Variants in DSCAML1 observed in about 807,000 individuals in gnomAD.
DSCAML1 encodes the protein cell adhesion molecule DSCAML1.
In DSCAML1, 38 loss-of-function variants were observed where a neutral mutation model predicts 200.5. The ratio of observed to expected loss-of-function variants is 0.19; its 90% CI spans 0.15 to 0.25. DSCAML1 has a LOEUF of 0.25. Ranked by LOEUF, DSCAML1 falls within the 10% of genes least tolerant of loss-of-function variation. DSCAML1 has a pLI of 1.00. For missense variants in DSCAML1, 2,223 were observed against 2,858.8 expected (o/e 0.78, Z 5.07); for synonymous variants, 1,215 against 1,165.0 (o/e 1.04, Z -0.87).
intron 3 of DSCAML1, among the ~76,000 whole-genome samples, chr11:117,589,292 C>T (rs932697930): frequency 2.6e-5 from 4 of 152,216 alleles, no homozygotes; most frequent in African/African-American, 7.2e-5. Flanking sequence ...ATTCGATGCA[C>T]GGGCAGCCCG....
At chr11:117,676,415 T>C (rs1028559460) in intron 3 of DSCAML1, among the ~76,000 whole-genome samples, 1 of 152,198 alleles carries the variant, frequency 6.6e-6, no homozygotes, top group Admixed American at 6.5e-5. Context: ...TGGACACCTG[T>C]GGGGCATGCG....
intron 3 of DSCAML1, among the ~76,000 whole-genome samples, chr11:117,652,731 C>T (rs894522412): frequency 2.0e-5 from 3 of 152,280 alleles, no homozygotes; most frequent in African/African-American, 7.2e-5. Flanking sequence ...TGCCCAGTCA[C>T]GATGATAACC....
At position 117,785,356 on chromosome 11, in the gene DSCAML1, C is replaced by T. The variant is rs150008524; in HGVS notation, c.47-4546G>A. Among the ~76,000 whole-genome samples the T allele has an allele frequency of 8.5e-5, 13 of 152,270 alleles. No homozygotes were observed. The East Asian group carries it at 2.5e-3, about 29-fold the overall frequency. On this transcript the variant is annotated intron_variant, in intron 1 of 32. Coordinates refer to ENST00000651296, the MANE Select transcript of DSCAML1 (RefSeq NM_020693.4). ...GCGTTGGGAAGAGGTAGGAGCTGAG[C>T]TGAGCTGGAAGACCTGGATAGGTGG...
chr11:117,764,011 C>T (rs2054851149), intron 3 of DSCAML1, among the ~76,000 whole-genome samples: 1 of 152,216 alleles, frequency 6.6e-6, no homozygotes, highest in Non-Finnish European at 1.5e-5. Flanking sequence ...GCACCCTCAT[C>T]ACACTCTTGT....
At chr11:117,665,160 T>C (rs1234601005) in intron 3 of DSCAML1, among the ~76,000 whole-genome samples, 3 of 152,196 alleles carry the variant, frequency 2.0e-5, no homozygotes, top group Non-Finnish European at 4.4e-5. Flanking sequence ...CTATGGCTTT[T>C]CACAGTTGTG....
At position 117,480,348 on chromosome 11, in the gene DSCAML1, G is replaced by A. The variant is rs1214742984; in HGVS notation, c.2785+95C>T. The A allele has an allele frequency of 6.5e-7, 1 of 1,545,082 alleles. No homozygotes were observed. Among genetic ancestry groups the A allele is most frequent in the African/African-American group, 1.4e-5 (1 of 73,652 alleles). On this transcript the variant is annotated intron_variant, in intron 14 of 32. Coordinates refer to ENST00000651296, the MANE Select transcript of DSCAML1 (RefSeq NM_020693.4). This position sits in a 1 kb window ranked among gnomAD's most constrained non-coding sequence, Gnocchi z 4.1. ...GTCTAGCTTGGATGGGCAGCCCTAA[G>A]GCTCAGGGGCTCTCCTCCCAGAGGG...
In DSCAML1 at chr11:117,487,213, C is replaced by T. The variant is rs184455577; in HGVS notation, c.2360-5051G>A. On this transcript the variant is annotated intron_variant, in intron 11 of 32. Coordinates refer to ENST00000651296, the MANE Select transcript of DSCAML1 (RefSeq NM_020693.4). The stretch of plus-strand genomic sequence containing the variant: ...GTGCTGGGATTACAGGTGTGAGCCA[C>T]TGCACCTGGCTGTCATTAAGTTTTA... Among the ~76,000 whole-genome samples, 220 of 152,256 alleles carry T rather than the reference C, an allele frequency of 1.4e-3. 1 individual carries two copies. Among genetic ancestry groups the T allele is most frequent in the African/African-American group, 4.8e-3 (199 of 41,548 alleles).
chr11:117,800,081 C>T (rs2055643500), upstream of DSCAML1, among the ~76,000 whole-genome samples: 1 of 152,210 alleles, frequency 6.6e-6, no homozygotes. Flanking sequence ...ACCTGAAAAA[C>T]AGGCAGGTCA....
chr11:117,653,746 C>T (rs988496292), intron 3 of DSCAML1, among the ~76,000 whole-genome samples: 4 of 152,090 alleles, frequency 2.6e-5, no homozygotes, highest in Admixed American at 6.5e-5. Context: ...CAAGAAAAAG[C>T]GTGCACAAGA....
At chr11:117,758,262 T>C (rs2054732535) in intron 3 of DSCAML1, among the ~76,000 whole-genome samples, 1 of 147,632 alleles carries the variant, frequency 6.8e-6, no homozygotes, top group Non-Finnish European at 1.5e-5. Context: ...ATCACGCCAC[T>C]GCACTCCAGC....
intron 3 of DSCAML1, among the ~76,000 whole-genome samples, chr11:117,661,107 G>T (rs1010088038): frequency 6.6e-6 from 1 of 152,172 alleles, no homozygotes; most frequent in African/African-American, 2.4e-5. Context: ...AAGGTGAGGG[G>T]TCCTGCCTGG....
At chr11:117,584,575 G>T (rs1271199958) in intron 3 of DSCAML1, among the ~76,000 whole-genome samples, 1 of 152,184 alleles carries the variant, frequency 6.6e-6, no homozygotes, top group Non-Finnish European at 1.5e-5. Context: ...TCAGAGCAAA[G>T]TTCTCAGCGC....
chr11:117,740,578 T>C (rs1351214308), intron 3 of DSCAML1, among the ~76,000 whole-genome samples: 1 of 152,070 alleles, frequency 6.6e-6, no homozygotes, highest in Non-Finnish European at 1.5e-5. Context: ...CTGGCCCCCG[T>C]CAGCAGACCT....
chr11:117,788,412 C>T (rs1348538538), intron 1 of DSCAML1, among the ~76,000 whole-genome samples: 2 of 152,166 alleles, frequency 1.3e-5, no homozygotes, highest in African/African-American at 4.8e-5. Context: ...CTGCAACCTC[C>T]ACCTCCCAGG....
In DSCAML1 at chr11:117,433,480, C is replaced by G. The variant is rs2242133; in HGVS notation, c.4877-9G>C. On this transcript the variant is annotated splice_polypyrimidine_tract_variant and intron_variant, in intron 27 of 32. Transcript: ENST00000651296. ...TGCCAAACTCTTTGCATCTGCAAAA[C>G]AGTAGAGGGAGAGGAGGGCTGGGTG... 6.2e-7 allele frequency: 1 copy of G among 1,610,918 alleles called. No homozygotes were observed. Among genetic ancestry groups the G allele is most frequent in the South Asian group, 1.1e-5 (1 of 90,088 alleles).
intron 16 of DSCAML1, among the ~76,000 whole-genome samples, chr11:117,466,321 C>T (rs967675889): frequency 1.3e-5 from 2 of 152,206 alleles, no homozygotes; most frequent in African/African-American, 4.8e-5. Context: ...GAAGACACTG[C>T]ACTAAGAGAA....
intron 4 of DSCAML1, 74 bp downstream of exon 4, chr11:117,532,302 G>A (rs7109567): frequency 0.58 from 874,296 of 1,498,936 alleles, 257,646 homozygotes; most frequent in African/African-American, 0.76. Flanking sequence ...GCGGTGGGGC[G>A]TGCCAAGTTC....
rs771260543 is a variant in DSCAML1, at chr11:117,438,011, G to A, written c.4316C>T (p.Ser1439Phe). The change falls in exon 25 of 33, where the codon TCC (serine) becomes TTC (phenylalanine). Residue 1439 changes from serine (S) to phenylalanine (F), a missense_variant. Transcript: ENST00000651296. Reference sequence around the variant, plus strand: ...ACACTTGAGGCTGTCCAGCTTGAAGGAGCGCTCGCTGGAGCTGATGAACAC... The same window carrying A: ...ACACTTGAGGCTGTCCAGCTTGAAGAAGCGCTCGCTGGAGCTGATGAACAC... ...KDVFISSSER[S>F]FKLDSLKCGT... The A allele has an allele frequency of 6.2e-7, 1 of 1,614,112 alleles. No individual in the cohort carries two copies. Among genetic ancestry groups the A allele is most frequent in the South Asian group, 1.1e-5 (1 of 91,076 alleles).
At chr11:117,695,756 C>G (rs995098117) in intron 3 of DSCAML1, among the ~76,000 whole-genome samples, 2 of 152,130 alleles carry the variant, frequency 1.3e-5, no homozygotes, top group African/African-American at 4.8e-5. Flanking sequence ...GTTGGAAAAC[C>G]GGGTGCTTGC....
Sources: gnomAD v4.1 joint callset for allele counts (sites outside exome capture counted in the v4.1 genomes callset) on GRCh38, gnomAD v4.1.1 for gene constraint, Gnocchi (gnomAD v3.1) non-coding constraint, MANE v1.5 for transcripts, NCBI Gene and HGNC (gene_info 2026-07-23, HGNC 2026-07-21) for gene names.